ATRX: variants seen among roughly 807,000 people sequenced by gnomAD.
ATRX encodes ATRX chromatin remodeler.
In ATRX, 12 loss-of-function variants were observed where a neutral mutation model predicts 172.6. The ratio of observed to expected loss-of-function variants is 0.07; its 90% CI spans 0.04 to 0.11. The LOEUF (loss-of-function observed/expected upper bound fraction) is 0.11, where lower values mean the gene tolerates loss of function less well. Among genes scored for constraint, ATRX ranks in the 10% least tolerant of loss-of-function variants. ATRX has a pLI of 1.00. For synonymous variants in ATRX, 674 were observed against 594.7 expected (o/e 1.13, Z -1.94); for missense variants, 1,368 against 1,767.4 (o/e 0.77, Z 4.05).
chrX:77,681,748 GCTT>G lies in ATRX; in HGVS notation c.3505_3507del (p.Lys1169del), dbSNP rs1557137251. Reference sequence around the variant, plus strand: ...GCCTTCTTTTTAGATGAAGTTCTTTGCTTCTTCTTTTTATTATCTTCAGAACTT... The same window carrying G: ...GCCTTCTTTTTAGATGAAGTTCTTTGCTTCTTTTTATTATCTTCAGAACTT... On this transcript the variant is annotated inframe_deletion, in exon 9 of 35. Coordinates refer to ENST00000373344, the MANE Select transcript of ATRX (RefSeq NM_000489.6). The G allele has an allele frequency of 4.2e-6, 5 of 1,201,714 alleles. No homozygotes were observed. Among genetic ancestry groups the G allele is most frequent in the Admixed American group, 2.3e-5 (1 of 44,024 alleles).
At chrX:77,532,112 C>A (rs1413152942) in intron 30 of ATRX, among the ~76,000 whole-genome samples, 1 of 111,040 alleles carries the variant, frequency 9.0e-6, no homozygotes, top group Non-Finnish European at 1.9e-5. Context: ...GAACAACAAA[C>A]CACTGCTCAG....
chrX:77,785,670 C>T (rs2076714176), intron 1 of ATRX, among the ~76,000 whole-genome samples: 1 of 103,143 alleles, frequency 9.7e-6, no homozygotes, highest in African/African-American at 3.5e-5. Flanking sequence ...ACTTCGAGGT[C>T]TCAATCCCAC....
At chrX:77,692,027 A>G (rs2071919318) in intron 6 of ATRX, among the ~76,000 whole-genome samples, 1 of 111,995 alleles carries the variant, frequency 8.9e-6, no homozygotes, top group Non-Finnish European at 1.9e-5. Flanking sequence ...ACCAAATGTC[A>G]GCAGCATACC....
At chrX:77,517,846 G>C (rs368997558) in intron 34 of ATRX, among the ~76,000 whole-genome samples, 1 of 112,042 alleles carries the variant, frequency 8.9e-6, no homozygotes, top group East Asian at 2.8e-4. Context: ...ATTTATCCAA[G>C]GGCTTCAAGG....
chrX:77,642,440 A>T (rs183091242), intron 15 of ATRX, among the ~76,000 whole-genome samples: 1 of 111,637 alleles, frequency 9.0e-6, no homozygotes, highest in African/African-American at 3.3e-5. Flanking sequence ...ACAAAGAAGT[A>T]ACATCTTTAA....
chrX:77,682,584 G>T lies in ATRX; in HGVS notation c.2672C>A (p.Ala891Glu). ...RKQERETFSS[A>E]EGTVDKDTTI... ...CGTGTCTTTATCAACTGTGCCTTCT[G>T]CTGAAGAGAAAGTCTCTCTCTCTTG... Residue 891 changes from alanine (A) to glutamate (E), a missense_variant, in exon 9 of 35, where the codon GCA becomes GAA. Coordinates refer to ENST00000373344, the MANE Select transcript of ATRX (RefSeq NM_000489.6). 8.3e-7 allele frequency: 1 copy of T among 1,210,407 alleles called. No homozygotes were observed. Among genetic ancestry groups the T allele is most frequent in the Non-Finnish European group, 1.1e-6 (1 of 894,935 alleles).
At chrX:77,544,137 G>A (rs1342358607) in intron 30 of ATRX, among the ~76,000 whole-genome samples, 6 of 111,310 alleles carry the variant, frequency 5.4e-5, no homozygotes, top group African/African-American at 2.0e-4. Flanking sequence ...CCATATACTT[G>A]TAATTTAAAA....
Position 77,508,409 on chromosome X carries a change from C to T in ATRX, c.7421G>A (p.Arg2474His), listed in dbSNP as rs781835425. The change falls in exon 35 of 35, where the codon CGT (arginine) becomes CAT (histidine). Residue 2474 changes from arginine (R) to histidine (H), a missense_variant. Arg to His is a conservative substitution (Grantham distance 29). This residue lies in a region of ATRX where 100 missense variants were observed against 153.9 expected (regional missense o/e 0.65). Transcript: ENST00000373344. ...TTTGCTTCTCATTGGGGGTGGTGCA[C>T]GCTGTAATGGTGGTGGCTGCATACC... ...AGGMQPPPLQ[R>H]APPPMRSKNP... 9 of 1,209,503 alleles carry T rather than the reference C, an allele frequency of 7.4e-6. 1 individual carries two copies. The South Asian group carries it at 1.2e-4, about 17-fold the overall frequency.
chrX:77,530,469 C>T (rs782564083), intron 30 of ATRX, among the ~76,000 whole-genome samples: 1 of 110,423 alleles, frequency 9.1e-6, no homozygotes, highest in Non-Finnish European at 1.9e-5. Context: ...ATTAGCCAGG[C>T]GTGGTGGCAG....
chrX:77,760,208 T>C (rs1167523713), intron 1 of ATRX, among the ~76,000 whole-genome samples: 1 of 106,640 alleles, frequency 9.4e-6, no homozygotes, highest in African/African-American at 3.4e-5. Context: ...TATTGGACAG[T>C]GCAGATCTGG....
intron 30 of ATRX, among the ~76,000 whole-genome samples, chrX:77,547,136 A>T (rs1557053715): frequency 9.0e-6 from 1 of 111,714 alleles, no homozygotes; most frequent in Admixed American, 9.6e-5. Context: ...TTAAATGCAA[A>T]CCTGGTATTT....
chrX:77,565,871 G>T (rs1404327850), intron 28 of ATRX, among the ~76,000 whole-genome samples: 1 of 109,168 alleles, frequency 9.2e-6, no homozygotes, highest in African/African-American at 3.3e-5. Flanking sequence ...AAAAAAATTA[G>T]AACTGAAAAA....
chrX:77,674,968 C>A (rs948529223), intron 10 of ATRX: 14 of 111,414 alleles, frequency 1.3e-4, no homozygotes, highest in African/African-American at 4.6e-4. Flanking sequence ...CACAATTAAG[C>A]TCTATTCAAA....
chrX:77,572,854 T>C, intron 28 of ATRX, among the ~76,000 whole-genome samples: 1 of 111,961 alleles, frequency 8.9e-6, no homozygotes, highest in Non-Finnish European at 1.9e-5. Context: ...TTTCAATAAT[T>C]AATAATCTTC....
chrX:77,699,614 T>C (rs1391234649), intron 2 of ATRX: 2 of 111,464 alleles, frequency 1.8e-5, no homozygotes, highest in Non-Finnish European at 3.8e-5. Flanking sequence ...AGGACATTAC[T>C]ACTAATCTTA....
chrX:77,551,222 A>C lies in ATRX; in HGVS notation c.6699+6229T>G, dbSNP rs781904446. Among the ~76,000 whole-genome samples, 6 of 112,070 alleles carry C rather than the reference A, an allele frequency of 5.4e-5. No homozygotes were observed. In the South Asian group the frequency reaches 2.3e-3, roughly 42 times the overall value. ...GCTACCTGACTTCAAACTATACTACAAGGCTATAGTAACCAAAACAGCATG... is the reference window on the plus strand; with the variant it reads ...GCTACCTGACTTCAAACTATACTACCAGGCTATAGTAACCAAAACAGCATG... On this transcript the variant is annotated intron_variant, in intron 30 of 34. Transcript: ENST00000373344.
chrX:77,710,802 A>C lies in ATRX; in HGVS notation c.133+6329T>G, dbSNP rs781940930. Among the ~76,000 whole-genome samples the C allele has an allele frequency of 7.2e-5, 8 of 111,319 alleles. No homozygotes were observed. In the South Asian group the frequency reaches 3.0e-3, roughly 42 times the overall value. ...CCAGGTGTTAAGCATAGGCAGAGGT[A>C]GGCGGAGGGAAGTGGGTGTGATTAT... On this transcript the variant is annotated intron_variant, in intron 2 of 34. Transcript: ENST00000373344.
At chrX:77,522,875 T>C (rs911187502) in intron 31 of ATRX, among the ~76,000 whole-genome samples, 1 of 111,881 alleles carries the variant, frequency 8.9e-6, no homozygotes, top group Non-Finnish European at 1.9e-5. Flanking sequence ...TTAGATTTCA[T>C]GGTATACATG....
Position 77,626,085 on chromosome X carries a change from G to A in ATRX, c.5135-5553C>T, listed in dbSNP as rs1016642867. Among the ~76,000 whole-genome samples the A allele has an allele frequency of 1.3e-3, 70 of 53,909 alleles. 1 individual carries two copies. The highest frequency in any genetic ancestry group is 4.6e-3 in the African/African-American group (63 of 13,624). 46.8% of individuals were successfully genotyped at this position (53,909 alleles called of 115,157 possible). ...TATATATATATATATATATATATAT[G>A]ATGGAATACTACACAGCCATAAAAA... is the stretch of plus-strand genomic sequence containing the variant. On this transcript the variant is annotated intron_variant, in intron 19 of 34. Transcript: ENST00000373344.
Sources: gnomAD v4.1 joint callset for allele counts (sites outside exome capture counted in the v4.1 genomes callset) on GRCh38, gnomAD v4.1.1 for gene constraint, gnomAD v4.1.1 regional missense constraint, MANE v1.5 for transcripts, NCBI Gene and HGNC (gene_info 2026-07-23, HGNC 2026-07-21) for gene names.